MICAL2: variants seen among roughly 807,000 people sequenced by gnomAD.
MICAL2 encodes [F-actin]-monooxygenase MICAL2.
Under a neutral mutation model 127.3 loss-of-function variants are expected in MICAL2, and 77 were observed. That is an observed-to-expected ratio of 0.60 (90% CI 0.50 to 0.73). The LOEUF (loss-of-function observed/expected upper bound fraction) is 0.73, where lower values mean the gene tolerates loss of function less well. MICAL2 is among the 30% of genes least tolerant of loss of function. The probability of loss-of-function intolerance (pLI) is 0.00; values close to 1 mark genes in which losing one functional copy is unlikely to be tolerated. For missense variants in MICAL2, 1,351 were observed against 1,434.4 expected, an observed-to-expected ratio of 0.94 and a Z score of 0.94; for synonymous variants, 570 against 551.1, an observed-to-expected ratio of 1.03 and a Z score of -0.48.
intron 1 of MICAL2, among the ~76,000 whole-genome samples, chr11:12,136,657 C>T (rs1348288578): frequency 1.3e-5 from 2 of 152,138 alleles, no homozygotes; most frequent in Non-Finnish European, 1.5e-5. Context: ...GTATTGGGCT[C>T]TAGGACCTTC....
intron 2 of MICAL2, among the ~76,000 whole-genome samples, chr11:12,144,088 T>C (rs1379400676): frequency 1.3e-5 from 2 of 152,302 alleles, no homozygotes; most frequent in East Asian, 1.9e-4. Context: ...TTGTCTTCTA[T>C]GGAGAGGAGC....
chr11:12,314,301 C>A (rs58922506), intron 29 of MICAL2, among the ~76,000 whole-genome samples: 9,491 of 151,660 alleles, frequency 0.063, 637 homozygotes, highest in African/African-American at 0.16. Context: ...AATTCAATTT[C>A]TTCTTTTACT....
At chr11:12,216,929 C>T (rs183790052) in intron 8 of MICAL2, among the ~76,000 whole-genome samples, 32 of 152,292 alleles carry the variant, frequency 2.1e-4, no homozygotes, top group African/African-American at 7.0e-4. Context: ...GCACAGTGCC[C>T]GGCAGAGGGT....
chr11:12,338,355 C>T (rs962770047), intron 32 of MICAL2, among the ~76,000 whole-genome samples: 36 of 152,236 alleles, frequency 2.4e-4, no homozygotes, highest in African/African-American at 7.7e-4. Flanking sequence ...TGTCTCTGCA[C>T]GTGAAATGGG....
At chr11:12,246,065 G>A (rs1256281850) in intron 21 of MICAL2, among the ~76,000 whole-genome samples, 3 of 152,370 alleles carry the variant, frequency 2.0e-5, no homozygotes, top group Admixed American at 6.5e-5. Flanking sequence ...GAAAAGTCTG[G>A]CGTGGTCACT....
chr11:12,142,944 C>T (rs73412294), intron 2 of MICAL2, among the ~76,000 whole-genome samples: 4,606 of 152,268 alleles, frequency 0.03, 257 homozygotes, highest in African/African-American at 0.11. Context: ...AAACATTTAT[C>T]ATGGGACTTC....
In MICAL2 at chr11:12,255,713, A is replaced by G; in HGVS notation, c.2918A>G (p.Asp973Gly). 6.2e-7 allele frequency: 1 copy of G among 1,614,080 alleles called. No individual in the cohort carries two copies. Among genetic ancestry groups the G allele is most frequent in the Non-Finnish European group, 8.5e-7 (1 of 1,179,966 alleles). ...GTCCTGGTCAATCTGTACATGAATG[A>G]TCACAGACCTAAGGCCCAGGCCACC... ...AEVLVNLYMNDHRPKAQATSP... is the reference protein window; with the variant it reads ...AEVLVNLYMNGHRPKAQATSP... Residue 973 changes from aspartate to glycine, a missense_variant, in exon 23 of 28, where the codon GAT (aspartate) becomes GGT (glycine). Around this residue, in one of 2 missense-constraint regions of MICAL2, gnomAD observed 752 missense variants for 719.4 expected, o/e 1.05. Coordinates refer to ENST00000683283, the MANE Select transcript of MICAL2 (RefSeq NM_001282663.2).
intron 24 of MICAL2, 84 bp from the exon 25 acceptor site, chr11:12,258,384 C>T (rs1590682349): frequency 2.0e-6 from 2 of 1,013,572 alleles, no homozygotes; most frequent in East Asian, 2.4e-5. Flanking sequence ...CTGACTTGGA[C>T]AGTGGTGGGC....
intron 2 of MICAL2, among the ~76,000 whole-genome samples, chr11:12,144,941 T>C (rs1002255523): frequency 5.9e-5 from 9 of 152,188 alleles, no homozygotes; most frequent in African/African-American, 2.2e-4. Context: ...AAGGACTGGG[T>C]CAAAACTGTC....
chr11:12,273,186 A>G (rs572670281), upstream of MICAL2, among the ~76,000 whole-genome samples: 12 of 152,256 alleles, frequency 7.9e-5, no homozygotes, highest in South Asian at 2.5e-3. Context: ...TGGTGTCGTA[A>G]CCTCTCTGTG....
At chr11:12,123,188 A>T (rs1266541926) in intron 1 of MICAL2, among the ~76,000 whole-genome samples, 2 of 152,160 alleles carry the variant, frequency 1.3e-5, no homozygotes, top group African/African-American at 4.8e-5. Context: ...TATTTTCTGA[A>T]TTTTTTAAGA....
At position 12,110,786 on chromosome 11, in the gene MICAL2, C is replaced by G. The variant is rs1414363915; in HGVS notation, c.-149+60C>G. On this transcript the variant is annotated intron_variant, in intron 1 of 27. Coordinates refer to ENST00000683283, the MANE Select transcript of MICAL2 (RefSeq NM_001282663.2). The surrounding 1 kb of genome is among the most constrained non-coding windows in gnomAD (Gnocchi z 4.5). ...AGGGCGGGCGGGCGCGGGTGGGGACCGTGCCAGCCTCGGCTGGACTCTGCG... is the reference window on the plus strand; with the variant it reads ...AGGGCGGGCGGGCGCGGGTGGGGACGGTGCCAGCCTCGGCTGGACTCTGCG... The G allele has an allele frequency of 6.6e-6, 1 of 151,988 alleles. No homozygotes were observed. The highest frequency in any genetic ancestry group is 2.4e-5 in the African/African-American group (1 of 41,414). The allele number at this position is 151,988 out of a possible 1,614,324, so 9.4% of individuals were successfully genotyped here. A position where few individuals can be genotyped will look rare whatever the true frequency, so the allele number is the denominator to read the frequency against.
Position 12,279,269 on chromosome 11 carries a change from C to A in MICAL2, c.88-1664C>A, listed in dbSNP as rs1031381646. On this transcript the variant is annotated intron_variant, in intron 1 of 2. Coordinates refer to the MICAL2 transcript ENST00000529028. ...GAGAAATGACCTTTGGACTTTCCAA[C>A]GGGAGGCTCATTGTTAACTTGGACA... 2.6e-5 allele frequency among the ~76,000 whole-genome samples: 4 copies of A among 152,032 alleles called. 1 individual carries two copies. The South Asian group carries it at 8.3e-4, about 32-fold the overall frequency.
chr11:12,338,040 T>C (rs1938797243), intron 32 of MICAL2, among the ~76,000 whole-genome samples: 1 of 152,204 alleles, frequency 6.6e-6, no homozygotes, highest in African/African-American at 2.4e-5. Flanking sequence ...ATCTGTCTAA[T>C]GTTGACAGTG....
chr11:12,316,389 G>C (rs528863010), intron 29 of MICAL2, among the ~76,000 whole-genome samples: 1 of 148,166 alleles, frequency 6.7e-6, no homozygotes, highest in African/African-American at 2.5e-5. Context: ...CACCTCCTTG[G>C]TTAAATTTAT....
At chr11:12,195,531 A>G (rs1407850753) in intron 3 of MICAL2, among the ~76,000 whole-genome samples, 1 of 152,064 alleles carries the variant, frequency 6.6e-6, no homozygotes, top group African/African-American at 2.4e-5. Flanking sequence ...ATTATAATGA[A>G]ATGTTGCCAA....
At chr11:12,244,241 C>A in intron 21 of MICAL2, 129 bp downstream of exon 21, 1 of 1,268,654 alleles carries the variant, frequency 7.9e-7, no homozygotes. Context: ...ATATTTTACA[C>A]CAGTGCTGGA....
At chr11:12,206,123 T>C (rs1259259307) in intron 4 of MICAL2, among the ~76,000 whole-genome samples, 1 of 152,190 alleles carries the variant, frequency 6.6e-6, no homozygotes, top group East Asian at 1.9e-4. Flanking sequence ...GCTTTCAAGA[T>C]GTGCTCTCCC....
At chr11:12,128,852 A>C (rs1231105917) in intron 1 of MICAL2, among the ~76,000 whole-genome samples, 2 of 152,254 alleles carry the variant, frequency 1.3e-5, no homozygotes, top group Non-Finnish European at 2.9e-5. Flanking sequence ...GTCATCTGCA[A>C]ACTTGCTTCA....
Sources: allele counts gnomAD v4.1 joint callset (sites outside exome capture counted in the v4.1 genomes callset), GRCh38; gene constraint gnomAD v4.1.1; regional missense constraint gnomAD v4.1.1; non-coding constraint Gnocchi (gnomAD v3.1); transcripts MANE v1.5; gene names NCBI Gene and HGNC (gene_info 2026-07-23, HGNC 2026-07-21).